CYB5B: variants seen among roughly 807,000 people sequenced by gnomAD.
CYB5B encodes the protein cytochrome b5 type B, also known as cytochrome b5 type B (outer mitochondrial membrane).
Under a neutral mutation model 21.3 loss-of-function variants are expected in CYB5B, and 14 were observed. The observed-to-expected ratio is 0.66, with a 90% CI of 0.43 to 1.03. CYB5B has a LOEUF of 1.03. CYB5B is among the 50% of genes least tolerant of loss of function. The pLI, the probability that CYB5B is intolerant of heterozygous loss-of-function variation, is 0.00. For missense variants in CYB5B, 166 were observed against 185.1 expected (o/e 0.90, Z 0.60); for synonymous variants, 69 against 68.4 (o/e 1.01, Z -0.04).
intron 1 of CYB5B, among the ~76,000 whole-genome samples, chr16:69,426,277 T>A (rs1190763176): frequency 6.6e-6 from 1 of 151,510 alleles, no homozygotes; most frequent in Admixed American, 6.6e-5. Flanking sequence ...TGGGCGCCTG[T>A]AGTCCCAGCT....
chr16:69,441,410 T>C (rs1464446342), intron 1 of CYB5B, among the ~76,000 whole-genome samples: 1 of 152,230 alleles, frequency 6.6e-6, no homozygotes, highest in African/African-American at 2.4e-5. Context: ...CGCCTCAGCC[T>C]CCCAAAGTGC....
At chr16:69,459,887 G>A (rs2015017724) in intron 4 of CYB5B, among the ~76,000 whole-genome samples, 1 of 152,090 alleles carries the variant, frequency 6.6e-6, no homozygotes, top group Non-Finnish European at 1.5e-5. Flanking sequence ...TAAGGGCTTA[G>A]GATCAGCGAA....
Position 69,429,530 on chromosome 16 carries a change from A to T in CYB5B, c.174+4673A>T, listed in dbSNP as rs141223735. 4.6e-5 allele frequency among the ~76,000 whole-genome samples: 7 copies of T among 152,184 alleles called. No individual in the cohort carries two copies. The East Asian group carries it at 1.4e-3, about 29-fold the overall frequency. ...AGACACAAAAGTTTGCCAAGTCCCCACTCCACCCAGGAAGTCCAGCTGGCT... is the reference window on the plus strand; with the variant it reads ...AGACACAAAAGTTTGCCAAGTCCCCTCTCCACCCAGGAAGTCCAGCTGGCT... On this transcript the variant is annotated intron_variant, in intron 1 of 4. Coordinates refer to ENST00000307892, the MANE Select transcript of CYB5B (RefSeq NM_030579.3).
intron 1 of CYB5B, among the ~76,000 whole-genome samples, chr16:69,433,153 G>A (rs1241278771): frequency 2.0e-5 from 3 of 152,184 alleles, no homozygotes; most frequent in Non-Finnish European, 4.4e-5. Flanking sequence ...TTTCATGGCT[G>A]CAGAGTATGG....
At chr16:69,449,537 C>G in intron 3 of CYB5B, 1 of 152,166 alleles carries the variant, frequency 6.6e-6, no homozygotes, top group South Asian at 2.1e-4. Context: ...ATTACAATGT[C>G]TAGAAGTCTA....
intron 3 of CYB5B, 125 bp downstream of exon 3, chr16:69,448,269 T>C (rs2142821133): frequency 3.5e-6 from 4 of 1,151,214 alleles, no homozygotes; most frequent in Non-Finnish European, 5.1e-6. Context: ...GCAAAAATCC[T>C]ATTTTTCTGG....
chr16:69,462,707 C>G lies in CYB5B; in HGVS notation c.*187C>G, dbSNP rs1245634967. 1.7e-6 allele frequency: 1 copy of G among 572,256 alleles called. No individual in the cohort carries two copies. Among genetic ancestry groups the G allele is most frequent in the East Asian group, 3.0e-5 (1 of 33,466 alleles). 35.4% of individuals were successfully genotyped at this position (572,256 alleles called of 1,614,324 possible). On this transcript the variant is annotated 3_prime_UTR_variant, in exon 5 of 5. Transcript: ENST00000307892. ...GTCTTCCATCTCTCAGAGCCTTACTCCCAAAGTACCTGCTCACTGTTCCGT... is the reference window on the plus strand; with the variant it reads ...GTCTTCCATCTCTCAGAGCCTTACTGCCAAAGTACCTGCTCACTGTTCCGT...
chr16:69,454,660 G>A (rs2014966244), intron 3 of CYB5B, among the ~76,000 whole-genome samples: 1 of 152,166 alleles, frequency 6.6e-6, no homozygotes, highest in Non-Finnish European at 1.5e-5. Context: ...CAAATTCAAA[G>A]CTACACAGTC....
chr16:69,443,698 C>G (rs1273746377), intron 1 of CYB5B: 1 of 152,312 alleles, frequency 6.6e-6, no homozygotes, highest in Non-Finnish European at 1.5e-5. Flanking sequence ...CTACTAAAAA[C>G]ACAAAAATTA....
intron 1 of CYB5B, among the ~76,000 whole-genome samples, chr16:69,441,248 C>T (rs1006854544): frequency 3.3e-5 from 5 of 151,346 alleles, no homozygotes; most frequent in African/African-American, 7.3e-5. Flanking sequence ...CCGCCTCCCG[C>T]GTTCAAGTGA....
At chr16:69,455,428 G>A (rs1203871683) in intron 3 of CYB5B, among the ~76,000 whole-genome samples, 2 of 147,542 alleles carry the variant, frequency 1.4e-5, no homozygotes, top group African/African-American at 5.0e-5. Flanking sequence ...TTGGTGGGGG[G>A]ACGAAATCTC....
In CYB5B at chr16:69,465,201, G is replaced by C. The variant is rs984323694; in HGVS notation, c.*2681G>C. ...TGTTTATTCCTGAGGAAGACTAGCT[G>C]CTGCTGCTGCTGCTGCTGCAAACTG... is the stretch of plus-strand genomic sequence containing the variant. On this transcript the variant is annotated 3_prime_UTR_variant, in exon 5 of 5. Transcript: ENST00000307892. 14 of 157,384 alleles carry C rather than the reference G, an allele frequency of 8.9e-5. No individual in the cohort carries two copies. Among genetic ancestry groups the C allele is most frequent in the African/African-American group, 3.1e-4 (13 of 41,462 alleles). 9.7% of individuals were successfully genotyped at this position (157,384 alleles called of 1,614,324 possible).
At position 69,441,153 on chromosome 16, in the gene CYB5B, C is replaced by CTTTT. The variant is rs533158390; in HGVS notation, c.175-5982_175-5979dup. On this transcript the variant is annotated intron_variant, in intron 1 of 4. Transcript: ENST00000307892. ...TCTGATTTCCCAGTTTTACTTCTCT[C>CTTTT]TTTTTTTTTTTTTTTTTTGAGATGG... Among the ~76,000 whole-genome samples, 23 of 133,314 alleles carry CTTTT rather than the reference C, an allele frequency of 1.7e-4. 1 individual carries two copies. The highest frequency in any genetic ancestry group is 4.3e-4 in the East Asian group (2 of 4,698). The allele number at this position is 133,314 out of a possible 152,430, so 87.5% of individuals were successfully genotyped here. A position where few individuals can be genotyped will look rare whatever the true frequency, so the allele number is the denominator to read the frequency against.
In CYB5B at chr16:69,463,163, A is replaced by T. The variant is rs2015052757; in HGVS notation, c.*643A>T. The T allele has an allele frequency of 6.6e-6, 1 of 152,214 alleles. No individual in the cohort carries two copies. Among genetic ancestry groups the T allele is most frequent in the Non-Finnish European group, 1.5e-5 (1 of 68,040 alleles). 9.4% of individuals were successfully genotyped at this position (152,214 alleles called of 1,614,324 possible). ...TAAAGGTTTGCACCTATTAAACTTA[A>T]AACTGCCAAATGATTTTTGTTCTTT... On this transcript the variant is annotated 3_prime_UTR_variant, in exon 5 of 5. Transcript: ENST00000307892.
At chr16:69,453,545 G>GT (rs1218617298) in intron 3 of CYB5B, among the ~76,000 whole-genome samples, 3 of 151,894 alleles carry the variant, frequency 2.0e-5, no homozygotes, top group Non-Finnish European at 4.4e-5. Context: ...TTTCTTGTGT[G>GT]TTTTTTTGTT....
intron 1 of CYB5B, among the ~76,000 whole-genome samples, chr16:69,433,058 A>G (rs1334274862): frequency 6.6e-6 from 1 of 152,116 alleles, no homozygotes; most frequent in East Asian, 1.9e-4. Context: ...TCAGCCTCCC[A>G]AAGTGCTGGG....
rs1420802585 is a variant in CYB5B, at chr16:69,463,061, T to C, written c.*541T>C. 6.5e-6 allele frequency: 1 copy of C among 153,256 alleles called. No individual in the cohort carries two copies. Among genetic ancestry groups the C allele is most frequent in the Non-Finnish European group, 1.5e-5 (1 of 68,750 alleles). The allele number at this position is 153,256 out of a possible 1,614,324, so 9.5% of individuals were successfully genotyped here. A position where few individuals can be genotyped will look rare whatever the true frequency, so the allele number is the denominator to read the frequency against. On this transcript the variant is annotated 3_prime_UTR_variant, in exon 5 of 5. Coordinates refer to ENST00000307892, the MANE Select transcript of CYB5B (RefSeq NM_030579.3). ...GAGTTCAAGACCAGCCTGGGCAACA[T>C]AGCGAGACCCCTATCTGTATTAAAA...
intron 1 of CYB5B, among the ~76,000 whole-genome samples, chr16:69,437,507 C>G (rs938360361): frequency 6.6e-6 from 1 of 152,104 alleles, no homozygotes; most frequent in African/African-American, 2.4e-5. Context: ...CCCCCCAATA[C>G]ACTTCTATCT....
At chr16:69,441,006 C>G (rs1388802904) in intron 1 of CYB5B, among the ~76,000 whole-genome samples, 2 of 151,896 alleles carry the variant, frequency 1.3e-5, no homozygotes, top group Admixed American at 1.3e-4. Context: ...ATTGTAGATT[C>G]ATATGTAGTT....
Sources: allele counts gnomAD v4.1 joint callset (sites outside exome capture counted in the v4.1 genomes callset), GRCh38; gene constraint gnomAD v4.1.1; transcripts MANE v1.5; gene names NCBI Gene and HGNC (gene_info 2026-07-23, HGNC 2026-07-21).